Variants in FNDC3A observed in about 807,000 individuals in gnomAD.
FNDC3A encodes fibronectin type-III domain-containing protein 3A.
Under a neutral mutation model 148.9 loss-of-function variants are expected in FNDC3A, and 32 were observed. The ratio of observed to expected loss-of-function variants is 0.21; its 90% CI spans 0.16 to 0.29. The LOEUF is 0.29. Ranked by LOEUF, FNDC3A falls within the 10% of genes least tolerant of loss-of-function variation. The probability of loss-of-function intolerance (pLI) is 1.00; values close to 1 mark genes in which losing one functional copy is unlikely to be tolerated. For synonymous variants in FNDC3A, 472 were observed against 473.6 expected (o/e 1.00, Z 0.04); for missense variants, 1,191 against 1,452.8 (o/e 0.82, Z 2.93).
intron 3 of FNDC3A, among the ~76,000 whole-genome samples, chr13:49,075,697 T>G (rs540464547): frequency 6.6e-6 from 1 of 152,272 alleles, no homozygotes. Context: ...CCCTTCAAAT[T>G]GCTTTTCTTC....
At chr13:49,079,260 G>C (rs1013227204) in intron 3 of FNDC3A, among the ~76,000 whole-genome samples, 1 of 152,124 alleles carries the variant, frequency 6.6e-6, no homozygotes, top group African/African-American at 2.4e-5. Context: ...GGTATACTGT[G>C]CTAGTTGCTG....
intron 3 of FNDC3A, among the ~76,000 whole-genome samples, chr13:49,112,783 T>C (rs1880659126): frequency 6.6e-6 from 1 of 152,108 alleles, no homozygotes; most frequent in Non-Finnish European, 1.5e-5. Context: ...ATTTACCTGA[T>C]AGAATGATTA....
intron 8 of FNDC3A, among the ~76,000 whole-genome samples, chr13:49,150,976 T>G (rs985606107): frequency 1.3e-5 from 2 of 151,484 alleles, no homozygotes; most frequent in African/African-American, 4.9e-5. Flanking sequence ...TGTTGAGACC[T>G]GTATTGTGTA....
chr13:49,038,982 A>C (rs553999049), intron 2 of FNDC3A, among the ~76,000 whole-genome samples: 2 of 152,304 alleles, frequency 1.3e-5, no homozygotes, highest in Non-Finnish European at 2.9e-5. Flanking sequence ...ATACATATAC[A>C]GTATTTTGAA....
chr13:49,134,816 T>C (rs1456616469), intron 5 of FNDC3A, among the ~76,000 whole-genome samples: 1 of 130,498 alleles, frequency 7.7e-6, no homozygotes, highest in African/African-American at 2.9e-5. Context: ...TTTTTTTTTT[T>C]TTTTTTTTGA....
intron 5 of FNDC3A, among the ~76,000 whole-genome samples, chr13:49,131,690 A>G (rs575199040): frequency 3.0e-4 from 46 of 152,208 alleles, no homozygotes; most frequent in Non-Finnish European, 5.0e-4. Flanking sequence ...AGGAATAACC[A>G]TGTCATTGTT....
chr13:49,118,821 C>A (rs1255888573), intron 4 of FNDC3A, among the ~76,000 whole-genome samples: 1 of 152,238 alleles, frequency 6.6e-6, no homozygotes, highest in African/African-American at 2.4e-5. Context: ...CCTCTCTGGG[C>A]AGGGCATCTC....
At chr13:49,108,731 T>G (rs1316629949) in intron 3 of FNDC3A, among the ~76,000 whole-genome samples, 2 of 152,124 alleles carry the variant, frequency 1.3e-5, no homozygotes, top group Non-Finnish European at 2.9e-5. Context: ...ATCAGAGACA[T>G]GGTCGGATTT....
At chr13:49,175,185 C>A (rs111502508) in intron 12 of FNDC3A, among the ~76,000 whole-genome samples, 182 bp from the exon 13 acceptor site, 80 of 152,218 alleles carry the variant, frequency 5.3e-4, no homozygotes, top group African/African-American at 1.6e-3. Context: ...TAATAGAACA[C>A]TAATTCACTG....
At chr13:49,070,217 C>T (rs969606568) in intron 2 of FNDC3A, among the ~76,000 whole-genome samples, 3 of 151,934 alleles carry the variant, frequency 2.0e-5, no homozygotes, top group African/African-American at 7.3e-5. Context: ...CTGCAACCTC[C>T]GCCTCCTGGG....
intron 2 of FNDC3A, among the ~76,000 whole-genome samples, chr13:49,066,936 G>C (rs1284277479): frequency 6.6e-6 from 1 of 152,058 alleles, no homozygotes; most frequent in Admixed American, 6.6e-5. Context: ...ATCTGTATAT[G>C]CTTGCATGTT....
At chr13:49,026,518 T>G (rs1873725591) in intron 2 of FNDC3A, among the ~76,000 whole-genome samples, 1 of 152,222 alleles carries the variant, frequency 6.6e-6, no homozygotes, top group Non-Finnish European at 1.5e-5. Flanking sequence ...TTTATTGTTT[T>G]TTTAAGACAG....
At chr13:49,110,936 T>C (rs1013570172) in intron 3 of FNDC3A, among the ~76,000 whole-genome samples, 2 of 152,222 alleles carry the variant, frequency 1.3e-5, no homozygotes, top group African/African-American at 4.8e-5. Context: ...GTTAGAATTG[T>C]TTACTCTTCT....
chr13:49,186,138 T>C (rs1396767889), intron 15 of FNDC3A, 36 bp downstream of exon 15: 1 of 1,506,810 alleles, frequency 6.6e-7, no homozygotes, highest in African/African-American at 1.4e-5. Context: ...TTATTACTTT[T>C]GCGTTTGATT....
chr13:49,060,430 A>C (rs1196607227), intron 2 of FNDC3A, among the ~76,000 whole-genome samples: 1 of 152,042 alleles, frequency 6.6e-6, no homozygotes, highest in East Asian at 1.9e-4. Flanking sequence ...GATCACCTGA[A>C]GTCAGGAGTT....
At chr13:49,110,586 TG>T (rs1880501130) in intron 3 of FNDC3A, among the ~76,000 whole-genome samples, 1 of 152,202 alleles carries the variant, frequency 6.6e-6, no homozygotes, top group South Asian at 2.1e-4. Context: ...TTTGTAATTT[TG>T]TATTCCACGG....
chr13:49,187,148 A>G lies in FNDC3A; in HGVS notation c.1783A>G (p.Thr595Ala), dbSNP rs1566315425. Residue 595 changes from threonine to alanine, a missense_variant, in exon 16 of 26, where the codon ACC (threonine) becomes GCC (alanine). Physicochemically the swap from Thr to Ala is moderately conservative, Grantham distance 58 (BLOSUM62 0). Transcript: ENST00000492622. ...TCCACCAAAAGACAATGGCGGAGCA[A>G]CCATCAATAAATATGTAGTGGAGAT... Reference protein sequence around the residue: ...WDPPKDNGGATINKYVVEMAE... With the variant: ...WDPPKDNGGAAINKYVVEMAE... 3 of 1,613,232 alleles carry G rather than the reference A, an allele frequency of 1.9e-6. No homozygotes were observed. Among genetic ancestry groups the G allele is most frequent in the East Asian group, 2.2e-5 (1 of 44,818 alleles).
intron 7 of FNDC3A, among the ~76,000 whole-genome samples, chr13:49,143,404 T>A (rs1455412208): frequency 6.6e-6 from 1 of 152,142 alleles, no homozygotes; most frequent in Non-Finnish European, 1.5e-5. Context: ...ATTAGCATTT[T>A]AAAATTTTTT....
intron 2 of FNDC3A, among the ~76,000 whole-genome samples, chr13:49,032,503 T>C (rs929342553): frequency 8.5e-5 from 13 of 152,112 alleles, no homozygotes; most frequent in Non-Finnish European, 1.9e-4. Context: ...TCAAAAACAT[T>C]ATGCTAAGTG....
Sources: allele counts gnomAD v4.1 joint callset (sites outside exome capture counted in the v4.1 genomes callset), GRCh38; gene constraint gnomAD v4.1.1; transcripts MANE v1.5; gene names NCBI Gene and HGNC (gene_info 2026-07-23, HGNC 2026-07-21).